CPNE2: variants seen among roughly 807,000 people sequenced by gnomAD.
CPNE2 encodes the protein copine 2, also known as copine-2.
A neutral mutation model predicts 69.7 loss-of-function variants in CPNE2; 42 were observed. The observed-to-expected ratio is 0.60, with a 90% CI of 0.47 to 0.78. The LOEUF is 0.78. CPNE2 is among the 30% of genes least tolerant of loss of function. The pLI is 0.00. For missense variants in CPNE2, 587 were observed against 732.0 expected, an observed-to-expected ratio of 0.80 and a Z score of 2.29; for synonymous variants, 294 against 289.8, an observed-to-expected ratio of 1.01 and a Z score of -0.15.
intron 10 of CPNE2, 41 bp from the exon 11 acceptor site, chr16:57,125,819 G>C: frequency 6.2e-7 from 1 of 1,612,570 alleles, no homozygotes; most frequent in Non-Finnish European, 8.5e-7. Context: ...GGGTGCTGGG[G>C]TCTCTGGCCC....
At position 57,099,971 on chromosome 16, in the gene CPNE2, C is replaced by T. The variant is rs562163703; in HGVS notation, c.-36+7181C>T. Reference sequence around the variant, plus strand: ...TGTATTTTTAGTAGAGATGGGGTTTCACCATGCTAGCCGGGATGGTCTTGA... The same window carrying T: ...TGTATTTTTAGTAGAGATGGGGTTTTACCATGCTAGCCGGGATGGTCTTGA... On this transcript the variant is annotated intron_variant, in intron 1 of 15. Transcript: ENST00000290776. Among the ~76,000 whole-genome samples, 65 of 152,200 alleles carry T rather than the reference C, an allele frequency of 4.3e-4. 1 individual carries two copies. In the South Asian group the frequency reaches 0.014, roughly 32 times the overall value.
intron 5 of CPNE2, among the ~76,000 whole-genome samples, chr16:57,118,971 C>T (rs1434048401): frequency 6.6e-6 from 1 of 151,704 alleles, no homozygotes; most frequent in East Asian, 1.9e-4. Context: ...CTGACAGCCT[C>T]AGGGTGGGGG....
At chr16:57,099,877 G>A (rs1176390343) in intron 1 of CPNE2, among the ~76,000 whole-genome samples, 1 of 149,966 alleles carries the variant, frequency 6.7e-6, no homozygotes, top group Non-Finnish European at 1.5e-5. Context: ...CTGGATTCAA[G>A]CGATTCTCCT....
chr16:57,132,971 CA>C (rs1241334069), intron 12 of CPNE2, among the ~76,000 whole-genome samples: 3 of 152,116 alleles, frequency 2.0e-5, no homozygotes, highest in African/African-American at 7.2e-5. Context: ...CCCGAGAAGG[CA>C]AAATATTCCT....
chr16:57,110,637 A>G, intron 1 of CPNE2, 71 bp from the exon 2 acceptor site: 1 of 1,029,298 alleles, frequency 9.7e-7, no homozygotes, highest in Non-Finnish European at 1.3e-6. Context: ...GCCAGGTGGT[A>G]ATGCCTCCCT....
At chr16:57,112,125 C>T (rs1466738581) in intron 2 of CPNE2, among the ~76,000 whole-genome samples, 2 of 152,162 alleles carry the variant, frequency 1.3e-5, no homozygotes, top group Non-Finnish European at 2.9e-5. Context: ...AAAGAGTTCC[C>T]ATGGATGTTG....
chr16:57,134,587 C>T (rs1597504013), intron 12 of CPNE2, among the ~76,000 whole-genome samples, 188 bp from the exon 13 acceptor site: 1 of 152,072 alleles, frequency 6.6e-6, no homozygotes, highest in African/African-American at 2.4e-5. Context: ...GGTTGGGCCT[C>T]TCTGTGGGTC....
At chr16:57,117,454 G>A in intron 4 of CPNE2, 42 bp from the exon 5 acceptor site, 1 of 1,597,672 alleles carries the variant, frequency 6.3e-7, no homozygotes, top group Non-Finnish European at 8.5e-7. Flanking sequence ...CTGGCAGGAG[G>A]CTGGGGGAGT....
intron 5 of CPNE2, among the ~76,000 whole-genome samples, chr16:57,118,564 C>A (rs140962783): frequency 0.016 from 2,374 of 152,006 alleles, 73 homozygotes; most frequent in African/African-American, 0.054. Flanking sequence ...CACCTGTAAT[C>A]CCAGCTACTT....
intron 5 of CPNE2, among the ~76,000 whole-genome samples, chr16:57,118,123 C>T (rs1414974120): frequency 1.3e-5 from 2 of 151,976 alleles, no homozygotes; most frequent in African/African-American, 2.4e-5. Flanking sequence ...CCACCCCCTC[C>T]TTCTCGTCTC....
At position 57,134,654 on chromosome 16, in the gene CPNE2, G is replaced by A. The variant is rs565458819; in HGVS notation, c.1117-121G>A. ...GGGGGGTATCAGTGGCCTAGAGGAG[G>A]GTAGGGGTGGGGGTTATGAGCCGGT... On this transcript the variant is annotated intron_variant, in intron 12 of 15. Transcript: ENST00000290776. The A allele has an allele frequency of 2.3e-4, 235 of 1,002,594 alleles. No individual in the cohort carries two copies. In the African/African-American group the frequency reaches 3.4e-3, roughly 14 times the overall value. The allele number at this position is 1,002,594 out of a possible 1,614,324, so 62.1% of individuals were successfully genotyped here.
intron 14 of CPNE2, among the ~76,000 whole-genome samples, chr16:57,139,185 G>A (rs1328638063): frequency 5.3e-5 from 8 of 152,154 alleles, no homozygotes; most frequent in Admixed American, 5.2e-4. Context: ...AGTGCTGATT[G>A]GTCAGGCTGG....
At chr16:57,142,477 AAGGT>A (rs2069929661) in intron 14 of CPNE2, 1 of 152,350 alleles carries the variant, frequency 6.6e-6, no homozygotes, top group African/African-American at 2.4e-5. Context: ...GTGAGGCTGA[AAGGT>A]AGGCCAGCTC....
intron 1 of CPNE2, among the ~76,000 whole-genome samples, chr16:57,109,475 CAAAAA>C (rs1170223475): frequency 1.1e-5 from 1 of 94,602 alleles, no homozygotes; most frequent in African/African-American, 3.9e-5. Context: ...GACTCTGCCT[CAAAAA>C]AAAAAAAAAA....
At chr16:57,113,643 G>A (rs1281884835) in intron 3 of CPNE2, among the ~76,000 whole-genome samples, 176 bp downstream of exon 3, 2 of 152,244 alleles carry the variant, frequency 1.3e-5, no homozygotes, top group Non-Finnish European at 2.9e-5. Flanking sequence ...GCTCCCATCT[G>A]GAGAGGCAGC....
At position 57,147,678 on chromosome 16, in the gene CPNE2, G is replaced by T; in HGVS notation, c.*20G>T. ...GCCTGAGCTCCAGTGCCCAGCAGCA[G>T]CATGTCAGCTGAGCCTCCTGCCCTC... On this transcript the variant is annotated 3_prime_UTR_variant, in exon 16 of 16. Coordinates refer to ENST00000290776, the MANE Select transcript of CPNE2 (RefSeq NM_152727.6). 6.4e-7 allele frequency: 1 copy of T among 1,556,132 alleles called. No individual in the cohort carries two copies. The highest frequency in any genetic ancestry group is 1.2e-5 in the South Asian group (1 of 85,878).
chr16:57,115,502 G>A lies in CPNE2; in HGVS notation c.387G>A (p.Arg129=). The A allele has an allele frequency of 6.2e-7, 1 of 1,612,572 alleles. No individual in the cohort carries two copies. Among genetic ancestry groups the A allele is most frequent in the Non-Finnish European group, 8.5e-7 (1 of 1,179,252 alleles). Residue 129 remains arginine (R), a synonymous_variant, in exon 4 of 16, where the codon AGG becomes AGA. Transcript: ENST00000290776. ...GTIVSSKKIT[R]PLLLLNDKPA... ...TCGTCTCCAGCAAGAAGATCACTAG[G>A]CCTCTGCTGCTGCTGAATGACAAGC... is the stretch of plus-strand genomic sequence containing the variant.
Position 57,121,011 on chromosome 16 carries a change from G to C in CPNE2, c.682-82G>C, listed in dbSNP as rs555047266. On this transcript the variant is annotated intron_variant, in intron 7 of 15. Coordinates refer to ENST00000290776, the MANE Select transcript of CPNE2 (RefSeq NM_152727.6). ...AGGCACTACCCAAACAGAAGACAGA[G>C]GGTTTGCTTGGGGAGTTGAGAGGGG... 9 of 987,040 alleles carry C rather than the reference G, an allele frequency of 9.1e-6. No homozygotes were observed. The African/African-American group carries it at 1.3e-4, about 14-fold the overall frequency. 61.1% of individuals were successfully genotyped at this position (987,040 alleles called of 1,614,324 possible).
chr16:57,096,973 A>G (rs1243668014), intron 1 of CPNE2, among the ~76,000 whole-genome samples: 1 of 152,040 alleles, frequency 6.6e-6, no homozygotes, highest in East Asian at 2.0e-4. Flanking sequence ...GAAACAGCGC[A>G]TGCAAAGGCC....
Sources: allele counts gnomAD v4.1 joint callset (sites outside exome capture counted in the v4.1 genomes callset), GRCh38; gene constraint gnomAD v4.1.1; transcripts MANE v1.5; gene names NCBI Gene and HGNC (gene_info 2026-07-23, HGNC 2026-07-21).